Variants in CACNA1B observed in about 807,000 individuals in gnomAD.
The protein encoded by CACNA1B is calcium voltage-gated channel subunit alpha1 B.
Under a neutral mutation model 247.2 loss-of-function variants are expected in CACNA1B, and 70 were observed. The observed-to-expected ratio is 0.28, with a 90% CI of 0.23 to 0.35. CACNA1B has a LOEUF of 0.35. Ranked by LOEUF, CACNA1B falls within the 10% of genes least tolerant of loss-of-function variation. The pLI is 1.00. For synonymous variants in CACNA1B, 1,231 were observed against 1,294.4 expected, an observed-to-expected ratio of 0.95 and a Z score of 1.05; for missense variants, 2,367 against 3,197.4, an observed-to-expected ratio of 0.74 and a Z score of 6.26.
rs578005994 is a variant in CACNA1B at position 138,106,351 on chromosome 9, T to C, written c.5428+544T>C. On this transcript the variant is annotated intron_variant, in intron 39 of 46. Transcript: ENST00000371372. The stretch of plus-strand genomic sequence containing the variant: ...ACCCCCCTGCGTCTGCCCCATCTCC[T>C]GCTTTGTGTGCCAAGCCTCACTTAC... Among the ~76,000 whole-genome samples, 6 of 145,248 alleles carry C rather than the reference T, an allele frequency of 4.1e-5. No homozygotes were observed. In the South Asian group the frequency reaches 1.2e-3, roughly 28 times the overall value.
At chr9:138,041,172 G>A (rs1390468014) in intron 20 of CACNA1B, among the ~76,000 whole-genome samples, 1 of 152,172 alleles carries the variant, frequency 6.6e-6, no homozygotes, top group African/African-American at 2.4e-5. Flanking sequence ...GCCAGTCCAG[G>A]CTTACTTTAG....
At chr9:137,902,599 T>C (rs1957251421) in intron 3 of CACNA1B, among the ~76,000 whole-genome samples, 1 of 152,266 alleles carries the variant, frequency 6.6e-6, no homozygotes, top group South Asian at 2.1e-4. Context: ...CATTTTTCTT[T>C]TCTGTTTACA....
intron 36 of CACNA1B, among the ~76,000 whole-genome samples, chr9:138,087,251 G>C (rs536538385): frequency 2.7e-4 from 41 of 149,872 alleles, no homozygotes; most frequent in African/African-American, 9.2e-4. Context: ...CGGGCATGGT[G>C]GTGGGTGCCT....
intron 42 of CACNA1B, among the ~76,000 whole-genome samples, chr9:138,117,377 G>A (rs762218460): frequency 6.6e-5 from 10 of 152,128 alleles, no homozygotes; most frequent in Middle Eastern, 3.2e-3. Context: ...AGTCCCGGGC[G>A]AGGCCCCCTA....
chr9:137,998,224 T>C (rs935937272), intron 15 of CACNA1B, among the ~76,000 whole-genome samples: 2 of 152,206 alleles, frequency 1.3e-5, no homozygotes, highest in Non-Finnish European at 2.9e-5. Context: ...GTTTGTTAAA[T>C]TATTCATTGC....
At chr9:137,916,626 G>T (rs1484537481) in intron 5 of CACNA1B, among the ~76,000 whole-genome samples, 1 of 152,234 alleles carries the variant, frequency 6.6e-6, no homozygotes, top group Non-Finnish European at 1.5e-5. Flanking sequence ...CTGCACAGTG[G>T]CTGAGTCCAG....
intron 3 of CACNA1B, among the ~76,000 whole-genome samples, chr9:137,912,898 C>G (rs1266520081): frequency 1.3e-5 from 2 of 152,122 alleles, no homozygotes; most frequent in African/African-American, 4.8e-5. Flanking sequence ...AGAGATGGTG[C>G]CTTTGAACTG....
chr9:138,102,682 G>T lies in CACNA1B; in HGVS notation c.5223-29G>T. ...CTCCTCCTGTGGACCACCCCACTGTGCCCTGGCCTCGCTGGGACGGGTTTC... is the reference window on the plus strand; with the variant it reads ...CTCCTCCTGTGGACCACCCCACTGTTCCCTGGCCTCGCTGGGACGGGTTTC... On this transcript the variant is annotated intron_variant, in intron 37 of 46. Transcript: ENST00000371372. This position sits in a 1 kb window ranked among gnomAD's most constrained non-coding sequence, Gnocchi z 5.4. 6.8e-7 allele frequency: 1 copy of T among 1,473,084 alleles called. No individual in the cohort carries two copies. The highest frequency in any genetic ancestry group is 9.4e-7 in the Non-Finnish European group (1 of 1,061,510). 91.3% of individuals were successfully genotyped at this position (1,473,084 alleles called of 1,614,324 possible).
chr9:138,023,569 T>G lies in CACNA1B; in HGVS notation c.2826T>G (p.Asp942Glu), dbSNP rs1252150197. ...PRRHRAHRHQ[D>E]PSKECAGAKG... ...GCCACCGCGCGCACCGGCACCAGGATCCGAGCAAGGAGTGCGCCGGCGCCA... is the reference window on the plus strand; with the variant it reads ...GCCACCGCGCGCACCGGCACCAGGAGCCGAGCAAGGAGTGCGCCGGCGCCA... Residue 942 changes from aspartate to glutamate, a missense_variant, in exon 19 of 47, where the codon GAT becomes GAG. By Grantham distance (45) the Asp-to-Glu change is conservative. This residue lies in a region of CACNA1B where 631 missense variants were observed against 631.1 expected (regional missense o/e 1.00). Transcript: ENST00000371372. 10 of 1,091,728 alleles carry G rather than the reference T, an allele frequency of 9.2e-6. No individual in the cohort carries two copies. In the South Asian group the frequency reaches 2.4e-4, roughly 26 times the overall value. 67.6% of individuals were successfully genotyped at this position (1,091,728 alleles called of 1,614,324 possible).
intron 18 of CACNA1B, among the ~76,000 whole-genome samples, chr9:138,016,676 C>A (rs912360580): frequency 5.3e-5 from 8 of 152,100 alleles, no homozygotes; most frequent in Non-Finnish European, 1.0e-4. Flanking sequence ...GTCAGCCTCC[C>A]GCCGCAGGGT....
Position 138,054,713 on chromosome 9 carries a change from T to C in CACNA1B, c.3968+707T>C, listed in dbSNP as rs1230736095. On this transcript the variant is annotated intron_variant, in intron 26 of 46. Transcript: ENST00000371372. The surrounding 1 kb of genome is among the most constrained non-coding windows in gnomAD (Gnocchi z 4.6). ...GTCTGGTAGTGGAATTGCCGGGTCC[T>C]GGGTGTGCGTGTACTCAGCCTTAGT... Among the ~76,000 whole-genome samples, 3 of 152,214 alleles carry C rather than the reference T, an allele frequency of 2.0e-5. No individual in the cohort carries two copies. Among genetic ancestry groups the C allele is most frequent in the African/African-American group, 7.2e-5 (3 of 41,458 alleles).
intron 18 of CACNA1B, among the ~76,000 whole-genome samples, chr9:138,013,558 G>C (rs1361384555): frequency 1.3e-5 from 2 of 152,210 alleles, no homozygotes; most frequent in African/African-American, 4.8e-5. Flanking sequence ...TTGGGGGAGG[G>C]AGTCAGTAAG....
In CACNA1B at chr9:137,986,065, TG is replaced by T. The variant is rs1589049765; in HGVS notation, c.1770-345del. On this transcript the variant is annotated intron_variant, in intron 13 of 46. Coordinates refer to ENST00000371372, the MANE Select transcript of CACNA1B (RefSeq NM_000718.4). The surrounding 1 kb of genome is among the most constrained non-coding windows in gnomAD (Gnocchi z 6.0). Reference sequence around the variant, plus strand: ...TGGTCTGAGACACTTGGTGGCTGACTGGGTGTTGAGGAGTGAGGGGCAGGGA... The same window carrying T: ...TGGTCTGAGACACTTGGTGGCTGACTGGTGTTGAGGAGTGAGGGGCAGGGA... Among the ~76,000 whole-genome samples, 1 of 152,138 alleles carries T rather than the reference TG, an allele frequency of 6.6e-6. No homozygotes were observed. The highest frequency in any genetic ancestry group is 1.9e-4 in the East Asian group (1 of 5,188).
intron 7 of CACNA1B, among the ~76,000 whole-genome samples, chr9:137,953,006 GT>G (rs1295843328): frequency 6.6e-6 from 1 of 152,176 alleles, no homozygotes; most frequent in East Asian, 1.9e-4. Flanking sequence ...CCAGGGGATG[GT>G]GAGAGAGAGG....
rs2131377146 is a variant in CACNA1B at position 138,122,981 on chromosome 9, C to T, written c.*982C>T. The T allele has an allele frequency of 6.6e-6, 1 of 152,376 alleles. No homozygotes were observed. The highest frequency in any genetic ancestry group is 1.5e-5 in the Non-Finnish European group (1 of 68,038). The allele number at this position is 152,376 out of a possible 1,614,324, so 9.4% of individuals were successfully genotyped here. ...CTGGATGTCATGGTGGCAAACAAGG[C>T]AGCCATTTGCTGTCCTCCTCCCACG... On this transcript the variant is annotated 3_prime_UTR_variant, in exon 47 of 47. Transcript: ENST00000371372.
At chr9:138,037,601 G>T (rs1357966976) in intron 20 of CACNA1B, among the ~76,000 whole-genome samples, 1 of 152,140 alleles carries the variant, frequency 6.6e-6, no homozygotes, top group Non-Finnish European at 1.5e-5. Context: ...GGAGGTTGCA[G>T]TGAGCTGAGA....
chr9:137,926,072 T>TG (rs1957547648), intron 6 of CACNA1B, among the ~76,000 whole-genome samples: 1 of 136,610 alleles, frequency 7.3e-6, no homozygotes, highest in Non-Finnish European at 1.6e-5. Flanking sequence ...TCCTTTCTTT[T>TG]TTTTTTTTTT....
intron 26 of CACNA1B, among the ~76,000 whole-genome samples, chr9:138,056,423 C>T (rs574197550): frequency 6.6e-5 from 10 of 152,304 alleles, no homozygotes; most frequent in East Asian, 5.8e-4. Flanking sequence ...TTCCTTGTTA[C>T]GGCTGAATAT....
chr9:138,086,352 G>T (rs1194336345), intron 36 of CACNA1B, among the ~76,000 whole-genome samples: 6 of 151,100 alleles, frequency 4.0e-5, no homozygotes, highest in Non-Finnish European at 8.8e-5. Flanking sequence ...GACAAAGCAG[G>T]CTTTAAGTCA....
Sources: gnomAD v4.1 joint callset for allele counts (sites outside exome capture counted in the v4.1 genomes callset) on GRCh38, gnomAD v4.1.1 for gene constraint, gnomAD v4.1.1 regional missense constraint, Gnocchi (gnomAD v3.1) non-coding constraint, MANE v1.5 for transcripts, NCBI Gene and HGNC (gene_info 2026-07-23, HGNC 2026-07-21) for gene names.